SEMA4F: variants seen among roughly 807,000 people sequenced by gnomAD.
The protein encoded by SEMA4F is semaphorin-4F.
In SEMA4F, 51 loss-of-function variants were observed where a neutral mutation model predicts 78.4. The ratio of observed to expected loss-of-function variants is 0.65; its 90% CI spans 0.52 to 0.82. The LOEUF is 0.82. Ranked by LOEUF, SEMA4F falls within the 40% of genes least tolerant of loss-of-function variation. SEMA4F has a pLI of 0.00. For missense variants in SEMA4F, 938 were observed against 1,014.4 expected (o/e 0.92, Z 1.02); for synonymous variants, 418 against 408.7 (o/e 1.02, Z -0.27).
chr2:74,675,057 C>G (rs780172465), intron 9 of SEMA4F, 22 bp downstream of exon 9: 1 of 1,613,910 alleles, frequency 6.2e-7, no homozygotes, highest in Non-Finnish European at 8.5e-7. Context: ...GATCTTCATT[C>G]TAGGCCTGAA....
chr2:74,673,374 C>A, intron 5 of SEMA4F, 83 bp from the exon 6 acceptor site: 1 of 1,558,634 alleles, frequency 6.4e-7, no homozygotes, highest in Non-Finnish European at 8.8e-7. Flanking sequence ...CGCTGCCCTG[C>A]TTTATGCCCT....
chr2:74,674,797 T>A, intron 8 of SEMA4F, 91 bp from the exon 9 acceptor site: 1 of 1,555,268 alleles, frequency 6.4e-7, no homozygotes, highest in Non-Finnish European at 8.7e-7. Flanking sequence ...TGGCTCCCTG[T>A]GCGTTTCTCG....
Position 74,679,276 on chromosome 2 carries a change from GT to G in SEMA4F, c.1646del (p.Leu549TrpfsTer5), listed in dbSNP as rs762044939. On this transcript the variant is annotated frameshift_variant and splice_region_variant, in exon 13 of 14. Transcript: ENST00000357877. LOFTEE classifies it high-confidence loss of function. ...CVAHAGEHRG[L>X]VQDIESADVS... is the part of the protein sequence containing the mutation. Reference sequence around the variant, plus strand: ...TTACCAAGCATTCTCTTCTTTATAGGTTGGTCCAAGACATAGAGTCAGCAGA... The same window carrying G: ...TTACCAAGCATTCTCTTCTTTATAGGTGGTCCAAGACATAGAGTCAGCAGA... The G allele has an allele frequency of 6.2e-7, 1 of 1,611,540 alleles. No homozygotes were observed. Among genetic ancestry groups the G allele is most frequent in the Non-Finnish European group, 8.5e-7 (1 of 1,177,610 alleles).
intron 4 of SEMA4F, 46 bp downstream of exon 4, chr2:74,657,997 G>A: frequency 6.5e-7 from 1 of 1,550,096 alleles, no homozygotes; most frequent in Non-Finnish European, 8.9e-7. Context: ...CTGCACCAGT[G>A]TGAGTTACTT....
chr2:74,706,974 T>C, the SEMA4F span, among the ~76,000 whole-genome samples: 1 of 152,156 alleles, frequency 6.6e-6, no homozygotes, highest in African/African-American at 2.4e-5. Flanking sequence ...TCTCCTCTGC[T>C]ACCTGGAAGC....
chr2:74,661,852 G>A (rs1230035518), intron 4 of SEMA4F, among the ~76,000 whole-genome samples: 1 of 152,150 alleles, frequency 6.6e-6, no homozygotes, highest in Non-Finnish European at 1.5e-5. Flanking sequence ...ATATGCCCAC[G>A]CCAGTTTGTG....
At chr2:74,673,392 C>A in intron 5 of SEMA4F, 65 bp from the exon 6 acceptor site, 1 of 1,599,366 alleles carries the variant, frequency 6.3e-7, no homozygotes, top group Non-Finnish European at 8.5e-7. Context: ...CCTACTCTGC[C>A]TGTGACCTCT....
intron 13 of SEMA4F, 88 bp downstream of exon 13, chr2:74,679,422 C>T: frequency 6.8e-7 from 1 of 1,479,482 alleles, no homozygotes; most frequent in Non-Finnish European, 9.4e-7. Flanking sequence ...CGATTCTAAA[C>T]CTTGGATCCT....
At chr2:74,694,947 T>A in the SEMA4F span, among the ~76,000 whole-genome samples, 1 of 152,242 alleles carries the variant, frequency 6.6e-6, no homozygotes, top group Non-Finnish European at 1.5e-5. Flanking sequence ...ACATCTTGGT[T>A]GCTTCCAGGT....
At chr2:74,677,596 A>C (rs1015561463) in intron 12 of SEMA4F, among the ~76,000 whole-genome samples, 3 of 152,222 alleles carry the variant, frequency 2.0e-5, no homozygotes, top group African/African-American at 7.2e-5. Flanking sequence ...TATGTTTCTT[A>C]AGTGTATTTT....
intron 4 of SEMA4F, among the ~76,000 whole-genome samples, chr2:74,660,218 A>G (rs1182833402): frequency 1.3e-5 from 2 of 152,236 alleles, no homozygotes; most frequent in African/African-American, 4.8e-5. Context: ...GAAATTAAGT[A>G]TTGTCTCTAA....
At chr2:74,686,395 G>A (rs1489049168), downstream of SEMA4F, among the ~76,000 whole-genome samples, 4 of 152,102 alleles carry the variant, frequency 2.6e-5, no homozygotes, top group Non-Finnish European at 5.9e-5. Flanking sequence ...CACCATGCCC[G>A]GCCAAGAAAT....
rs773732667 is a variant in SEMA4F, at chr2:74,654,408, G to C, written c.32G>C (p.Gly11Ala). ...GCCTCTGCTGCGCGGCCCCGCCCGG[G>C]TCCCGGGCAGCCTACAGCCTCGCCC... The part of the protein sequence containing the change: MPASAARPRP[G>A]PGQPTASPFP... Residue 11 changes from glycine (G) to alanine (A), a missense_variant, in exon 1 of 14, where the codon GGT becomes GCT. Physicochemically the swap from Gly to Ala is moderately conservative, Grantham distance 60 (BLOSUM62 0). Transcript: ENST00000357877. The C allele has an allele frequency of 1.0e-5, 16 of 1,536,662 alleles. No homozygotes were observed. Among genetic ancestry groups the C allele is most frequent in the Admixed American group, 3.8e-5 (2 of 52,192 alleles).
In SEMA4F at chr2:74,674,888, G is replaced by A; in HGVS notation, c.1002G>A (p.Trp334Ter). ...TCCAGCTCCAACCTGTGAATTCCAGGGAGGGGGCTACTATCTCTGCTGTCT... is the reference window on the plus strand; with the variant it reads ...TCCAGCTCCAACCTGTGAATTCCAGAGAGGGGGCTACTATCTCTGCTGTCT... ...PIFYGIFSSQ[W>*]EGATISAVCA... Residue 334 changes from tryptophan to a stop codon, truncating the protein, a stop_gained and splice_region_variant, in exon 9 of 14, where the codon TGG becomes TGA. Transcript: ENST00000357877. LOFTEE classifies it high-confidence loss of function. 1 of 1,613,834 alleles carries A rather than the reference G, an allele frequency of 6.2e-7. No individual in the cohort carries two copies. The highest frequency in any genetic ancestry group is 8.5e-7 in the Non-Finnish European group (1 of 1,179,952).
Position 74,673,732 on chromosome 2 carries a change from T to C in SEMA4F, c.726T>C (p.Asp242=). The C allele has an allele frequency of 6.2e-7, 1 of 1,614,170 alleles. No individual in the cohort carries two copies. Among genetic ancestry groups the C allele is most frequent in the Non-Finnish European group, 8.5e-7 (1 of 1,180,026 alleles). ...ALSPAEWGDE[D]GDDEIYFFFT... is the part of the protein sequence containing the mutation. ...GCCCAGCCGAATGGGGGGATGAAGA[T>C]GGAGACGACGAAATCTACTTCTTCT... Residue 242 remains aspartate (D), a synonymous_variant, in exon 7 of 14, where the codon GAT becomes GAC. Coordinates refer to ENST00000357877, the MANE Select transcript of SEMA4F (RefSeq NM_004263.5).
the SEMA4F span, among the ~76,000 whole-genome samples, chr2:74,703,481 T>C: frequency 8.5e-5 from 13 of 152,214 alleles, no homozygotes; most frequent in Non-Finnish European, 1.6e-4. Flanking sequence ...CGCGAAATAG[T>C]GAAGCAAGTT....
chr2:74,692,160 G>C, the SEMA4F span, among the ~76,000 whole-genome samples: 2 of 152,214 alleles, frequency 1.3e-5, no homozygotes, highest in Non-Finnish European at 2.9e-5. Context: ...GAGGAATTGA[G>C]ACCTAGGAGT....
chr2:74,707,513 TAAC>T, the SEMA4F span, among the ~76,000 whole-genome samples: 1 of 151,628 alleles, frequency 6.6e-6, no homozygotes, highest in Non-Finnish European at 1.5e-5. Flanking sequence ...TTAAAAAGGT[TAAC>T]AATTTCTCTT....
chr2:74,686,768 A>G (rs1474939264), downstream of SEMA4F, among the ~76,000 whole-genome samples: 1 of 152,094 alleles, frequency 6.6e-6, no homozygotes, highest in African/African-American at 2.4e-5. Context: ...TGAGCAAACT[A>G]TCACAAGGAC....
Sources: gnomAD v4.1 joint callset for allele counts (sites outside exome capture counted in the v4.1 genomes callset) on GRCh38, gnomAD v4.1.1 for gene constraint, MANE v1.5 for transcripts, NCBI Gene and HGNC (gene_info 2026-07-23, HGNC 2026-07-21) for gene names.